Variants in CNTNAP2 observed in about 807,000 individuals in gnomAD.
CNTNAP2 encodes contactin-associated protein-like 2.
CNTNAP2 carries 98 observed loss-of-function variants against 155.2 expected under a neutral mutation model. The ratio of observed to expected loss-of-function variants is 0.63; its 90% CI spans 0.54 to 0.75. The LOEUF (loss-of-function observed/expected upper bound fraction) is 0.75, where lower values mean the gene tolerates loss of function less well. Among genes scored for constraint, CNTNAP2 ranks in the 30% least tolerant of loss-of-function variants. The pLI is 0.00. For missense variants in CNTNAP2, 1,727 were observed against 1,688.1 expected (o/e 1.02, Z -0.40); for synonymous variants, 651 against 631.2 (o/e 1.03, Z -0.47).
At chr7:146,352,866 T>A (rs1409349540) in intron 1 of CNTNAP2, among the ~76,000 whole-genome samples, 1 of 146,704 alleles carries the variant, frequency 6.8e-6, no homozygotes, top group African/African-American at 2.5e-5. Context: ...GCCATTCTCC[T>A]GCCTCAGCCT....
chr7:146,141,782 C>G (rs531719751), intron 1 of CNTNAP2, among the ~76,000 whole-genome samples: 1 of 152,114 alleles, frequency 6.6e-6, no homozygotes, highest in South Asian at 2.1e-4. Flanking sequence ...CTTGAAAATT[C>G]CTGTAAGACA....
intron 13 of CNTNAP2, among the ~76,000 whole-genome samples, chr7:147,881,699 C>T (rs933330471): frequency 2.0e-5 from 3 of 152,212 alleles, no homozygotes; most frequent in East Asian, 1.9e-4. Context: ...AGGCCAGCAC[C>T]GTGGCTCACG....
chr7:147,173,435 C>T (rs990654010), intron 8 of CNTNAP2, among the ~76,000 whole-genome samples: 1 of 152,114 alleles, frequency 6.6e-6, no homozygotes, highest in African/African-American at 2.4e-5. Flanking sequence ...AGAACTAGTA[C>T]TGACTTTGAA....
intron 3 of CNTNAP2, among the ~76,000 whole-genome samples, chr7:146,884,546 T>C (rs1562986722): frequency 6.6e-6 from 1 of 152,142 alleles, no homozygotes; most frequent in Admixed American, 6.6e-5. Context: ...ATGGGTTAGA[T>C]GCTGTTCTAA....
intron 3 of CNTNAP2, among the ~76,000 whole-genome samples, chr7:146,891,199 A>G (rs1029563838): frequency 6.6e-6 from 1 of 152,172 alleles, no homozygotes; most frequent in Non-Finnish European, 1.5e-5. Context: ...AGCATTGGGT[A>G]CACTTCAACA....
chr7:146,618,731 C>G (rs561605059), intron 1 of CNTNAP2, among the ~76,000 whole-genome samples: 23 of 152,162 alleles, frequency 1.5e-4, no homozygotes, highest in African/African-American at 4.1e-4. Flanking sequence ...TGGAAAATAA[C>G]TGAAACCAAA....
chr7:147,300,298 T>C lies in CNTNAP2; in HGVS notation c.1498+8T>C, dbSNP rs554990971. The C allele has an allele frequency of 1.1e-5, 18 of 1,613,722 alleles. No homozygotes were observed. In the East Asian group the frequency reaches 1.6e-4, roughly 14 times the overall value. The stretch of plus-strand genomic sequence containing the variant: ...AGAAGTACTTTTTTGGAGGTAAGAA[T>C]GCCATTCCTTTTTGGTTACTAATCC... On this transcript the variant is annotated splice_region_variant and intron_variant, in intron 9 of 23. Coordinates refer to ENST00000361727, the MANE Select transcript of CNTNAP2 (RefSeq NM_014141.6).
At chr7:148,003,709 CA>C (rs1227431005) in intron 15 of CNTNAP2, among the ~76,000 whole-genome samples, 1 of 152,208 alleles carries the variant, frequency 6.6e-6, no homozygotes, top group Non-Finnish European at 1.5e-5. Flanking sequence ...CACTCTCCTT[CA>C]AAAAACTTCA....
At chr7:147,007,119 G>T (rs1013931672) in intron 3 of CNTNAP2, among the ~76,000 whole-genome samples, 5 of 152,192 alleles carry the variant, frequency 3.3e-5, no homozygotes, top group East Asian at 1.9e-4. Context: ...CCACTCATGG[G>T]TGTGTTTTTT....
chr7:147,575,319 ATGTGTG>A (rs5888272), intron 12 of CNTNAP2, among the ~76,000 whole-genome samples: 1 of 124,278 alleles, frequency 8.0e-6, no homozygotes, highest in Non-Finnish European at 1.6e-5. Context: ...GGGTATATAT[ATGTGTG>A]TGTGTGTGTG....
chr7:147,660,626 C>T (rs890162602), intron 13 of CNTNAP2, among the ~76,000 whole-genome samples: 4 of 152,208 alleles, frequency 2.6e-5, no homozygotes, highest in Admixed American at 6.5e-5. Context: ...GCCATTCACT[C>T]ATTCATTCTC....
intron 1 of CNTNAP2, among the ~76,000 whole-genome samples, chr7:146,267,619 C>G (rs1800016646): frequency 6.6e-6 from 1 of 152,232 alleles, no homozygotes; most frequent in South Asian, 2.1e-4. Flanking sequence ...GCCTTTTCAC[C>G]ACGTGAGGAC....
intron 13 of CNTNAP2, among the ~76,000 whole-genome samples, chr7:147,818,003 C>A (rs1261926449): frequency 6.6e-6 from 1 of 150,860 alleles, no homozygotes. Context: ...TATGGGGATT[C>A]ATTATATCAT....
chr7:148,086,117 C>A (rs1035885436), intron 15 of CNTNAP2, among the ~76,000 whole-genome samples: 1 of 152,050 alleles, frequency 6.6e-6, no homozygotes, highest in Non-Finnish European at 1.5e-5. Flanking sequence ...TTAGTTTGCC[C>A]AACTAGAAAT....
intron 17 of CNTNAP2, among the ~76,000 whole-genome samples, chr7:148,171,547 C>T (rs1805794372): frequency 6.6e-6 from 1 of 152,188 alleles, no homozygotes; most frequent in Non-Finnish European, 1.5e-5. Context: ...GAACCTCAGT[C>T]CAACTCTATA....
intron 21 of CNTNAP2, among the ~76,000 whole-genome samples, 187 bp downstream of exon 21, chr7:148,267,313 G>A (rs574348038): frequency 6.6e-6 from 1 of 152,018 alleles, no homozygotes; most frequent in East Asian, 1.9e-4. Flanking sequence ...TTATCTTTGG[G>A]GGAAATTGCT....
intron 10 of CNTNAP2, among the ~76,000 whole-genome samples, chr7:147,416,250 A>G (rs540867682): frequency 2.8e-4 from 43 of 152,310 alleles, no homozygotes; most frequent in African/African-American, 1.0e-3. Context: ...GAACATTCCC[A>G]TGATTAAGGC....
chr7:146,830,350 G>A (rs1270517601), intron 2 of CNTNAP2, among the ~76,000 whole-genome samples: 1 of 152,042 alleles, frequency 6.6e-6, no homozygotes, highest in Admixed American at 6.6e-5. Flanking sequence ...AACAAGAAGA[G>A]CTTGTGGATT....
At chr7:147,746,720 C>G (rs78406007) in intron 13 of CNTNAP2, among the ~76,000 whole-genome samples, 27,491 of 152,014 alleles carry the variant, frequency 0.18, 2,926 homozygotes, top group Middle Eastern at 0.38. Flanking sequence ...CACCCCAACC[C>G]TGACTGCTGC....
Sources: allele counts gnomAD v4.1 joint callset (sites outside exome capture counted in the v4.1 genomes callset), GRCh38; gene constraint gnomAD v4.1.1; transcripts MANE v1.5; gene names NCBI Gene and HGNC (gene_info 2026-07-23, HGNC 2026-07-21).